Variants in GRID1 observed in about 807,000 individuals in gnomAD.
The protein encoded by GRID1 is glutamate receptor ionotropic, delta-1.
Under a neutral mutation model 98.0 loss-of-function variants are expected in GRID1, and 28 were observed. That is an observed-to-expected ratio of 0.29 (90% CI 0.21 to 0.39). GRID1 has a LOEUF of 0.39. Among genes scored for constraint, GRID1 ranks in the 10% least tolerant of loss-of-function variants. The pLI is 1.00. For missense variants in GRID1, 1,111 were observed against 1,340.5 expected (o/e 0.83, Z 2.67); for synonymous variants, 553 against 538.5 (o/e 1.03, Z -0.37).
chr10:86,344,857 C>T lies in GRID1; in HGVS notation c.235+19084G>A, dbSNP rs140515751. 3.9e-5 allele frequency among the ~76,000 whole-genome samples: 6 copies of T among 152,232 alleles called. No homozygotes were observed. The East Asian group carries it at 7.7e-4, about 20-fold the overall frequency. ...CAGGGGGCTCTCTGCTGGCACCAGG[C>T]GGGAACTGCCCAGCCAAGCTGCTGC... On this transcript the variant is annotated intron_variant, in intron 2 of 15. Transcript: ENST00000327946.
intron 15 of GRID1, among the ~76,000 whole-genome samples, chr10:85,612,076 A>G (rs1842738151): frequency 6.6e-6 from 1 of 152,224 alleles, no homozygotes; most frequent in African/African-American, 2.4e-5. Flanking sequence ...TGAGTTAAGC[A>G]GTGTCCTTCC....
intron 8 of GRID1, among the ~76,000 whole-genome samples, chr10:85,780,360 T>C (rs369548214): frequency 2.0e-5 from 3 of 152,294 alleles, no homozygotes; most frequent in East Asian, 3.9e-4. Context: ...CAGGCCTACC[T>C]GGAGGAGGTA....
intron 4 of GRID1, among the ~76,000 whole-genome samples, chr10:85,986,372 G>C (rs1842608768): frequency 6.6e-6 from 1 of 152,264 alleles, no homozygotes; most frequent in South Asian, 2.1e-4. Context: ...GGAGCAGTCA[G>C]TCCAAGAGGA....
At chr10:86,251,980 A>G (rs1000864275) in intron 2 of GRID1, among the ~76,000 whole-genome samples, 4 of 152,168 alleles carry the variant, frequency 2.6e-5, no homozygotes, top group Non-Finnish European at 5.9e-5. Flanking sequence ...ATCTTGGGCT[A>G]TGGTTAGATG....
chr10:85,851,577 G>T (rs1436275481), intron 8 of GRID1, among the ~76,000 whole-genome samples: 5 of 152,250 alleles, frequency 3.3e-5, no homozygotes, highest in Middle Eastern at 6.8e-3. Flanking sequence ...TTTCCCTCCA[G>T]GGTATTTAAG....
At chr10:85,770,513 G>T (rs529328892) in intron 8 of GRID1, among the ~76,000 whole-genome samples, 103 of 152,268 alleles carry the variant, frequency 6.8e-4, no homozygotes, top group African/African-American at 2.2e-3. Flanking sequence ...GGCTTCAGAC[G>T]ATCAAACTAC....
At chr10:86,016,252 T>C (rs994430638) in intron 4 of GRID1, among the ~76,000 whole-genome samples, 2 of 151,200 alleles carry the variant, frequency 1.3e-5, no homozygotes, top group African/African-American at 2.4e-5. Context: ...GTTCTTGCCA[T>C]TCTCCTGCCT....
chr10:86,150,377 G>A (rs1307508946), intron 3 of GRID1, among the ~76,000 whole-genome samples: 2 of 152,236 alleles, frequency 1.3e-5, no homozygotes, highest in African/African-American at 4.8e-5. Context: ...GGCCAGAGAA[G>A]TTGAGCTCCT....
At chr10:86,288,349 C>T (rs534883990) in intron 2 of GRID1, among the ~76,000 whole-genome samples, 4 of 152,326 alleles carry the variant, frequency 2.6e-5, no homozygotes, top group Admixed American at 6.5e-5. Context: ...GAGACAATAA[C>T]GGCACCTGCT....
rs551672785 is a variant in GRID1 at position 86,061,054 on chromosome 10, C to A, written c.726+77765G>T. Among the ~76,000 whole-genome samples, 4 of 152,318 alleles carry A rather than the reference C, an allele frequency of 2.6e-5. No homozygotes were observed. In the East Asian group the frequency reaches 7.7e-4, roughly 29 times the overall value. ...TAGTGGTCTCTCTCACCTTGGCCCCCATGGCACTGGCCCTTCCTGGTGCCT... is the reference window on the plus strand; with the variant it reads ...TAGTGGTCTCTCTCACCTTGGCCCCAATGGCACTGGCCCTTCCTGGTGCCT... On this transcript the variant is annotated intron_variant, in intron 4 of 15. Transcript: ENST00000327946.
chr10:86,347,388 TG>T (rs1848400134), intron 2 of GRID1, among the ~76,000 whole-genome samples: 1 of 152,190 alleles, frequency 6.6e-6, no homozygotes, highest in African/African-American at 2.4e-5. Context: ...GTCCAGGGAC[TG>T]GGCAGCCCCC....
chr10:86,346,280 AC>A (rs1848380630), intron 2 of GRID1, among the ~76,000 whole-genome samples: 1 of 152,214 alleles, frequency 6.6e-6, no homozygotes, highest in South Asian at 2.1e-4. Flanking sequence ...TTCTTGGACC[AC>A]CACCACCTGC....
At chr10:85,949,844 T>A (rs1260650935) in intron 4 of GRID1, among the ~76,000 whole-genome samples, 1 of 152,184 alleles carries the variant, frequency 6.6e-6, no homozygotes, top group Non-Finnish European at 1.5e-5. Context: ...TGTGTGTGTG[T>A]CTATAGGGAG....
chr10:85,736,540 C>T (rs1371805661), intron 8 of GRID1, among the ~76,000 whole-genome samples: 2 of 152,160 alleles, frequency 1.3e-5, no homozygotes, highest in African/African-American at 4.8e-5. Flanking sequence ...TCTCATCAAC[C>T]AGTGACTGCC....
chr10:85,721,722 G>T (rs1424759184), intron 12 of GRID1, among the ~76,000 whole-genome samples: 1 of 152,182 alleles, frequency 6.6e-6, no homozygotes, highest in Non-Finnish European at 1.5e-5. Context: ...AAATATTTGG[G>T]TGGTTATAAA....
At chr10:86,321,931 C>T (rs1052421819) in intron 2 of GRID1, among the ~76,000 whole-genome samples, 9 of 152,140 alleles carry the variant, frequency 5.9e-5, no homozygotes, top group African/African-American at 2.2e-4. Flanking sequence ...GAATCACCCA[C>T]CTTATTAAGA....
chr10:86,207,628 CTTT>C (rs71016123), intron 2 of GRID1, among the ~76,000 whole-genome samples: 97 of 106,224 alleles, frequency 9.1e-4, no homozygotes, highest in African/African-American at 3.3e-3. Flanking sequence ...GATGCAGTTT[CTTT>C]TTTTTTTTTT....
At chr10:86,149,067 A>G (rs1845125836) in intron 3 of GRID1, among the ~76,000 whole-genome samples, 1 of 152,202 alleles carries the variant, frequency 6.6e-6, no homozygotes, top group South Asian at 2.1e-4. Context: ...AACGCCCCCA[A>G]AAGGGCTCTC....
intron 4 of GRID1, among the ~76,000 whole-genome samples, chr10:86,119,111 G>A (rs1350292207): frequency 2.0e-5 from 3 of 152,142 alleles, no homozygotes; most frequent in African/African-American, 7.2e-5. Context: ...TAAGGCAGTG[G>A]ATCACTTGAG....
Sources: allele counts gnomAD v4.1 joint callset (sites outside exome capture counted in the v4.1 genomes callset), GRCh38; gene constraint gnomAD v4.1.1; transcripts MANE v1.5; gene names NCBI Gene and HGNC (gene_info 2026-07-23, HGNC 2026-07-21).